The following GLRB variants were observed in gnomAD, a reference collection of about 807,000 sequenced individuals.
GLRB encodes the protein glycine receptor beta, also known as glycine receptor subunit beta.
A neutral mutation model predicts 54.2 loss-of-function variants in GLRB; 33 were observed. The observed-to-expected ratio is 0.61, with a 90% CI of 0.46 to 0.81. The LOEUF (loss-of-function observed/expected upper bound fraction) is 0.81, where lower values mean the gene tolerates loss of function less well. GLRB is among the 40% of genes least tolerant of loss of function. The probability of loss-of-function intolerance (pLI) is 0.00; values close to 1 mark genes in which losing one functional copy is unlikely to be tolerated. For synonymous variants in GLRB, 209 were observed against 208.2 expected, an observed-to-expected ratio of 1.00 and a Z score of -0.03; for missense variants, 572 against 584.6, an observed-to-expected ratio of 0.98 and a Z score of 0.22.
At chr4:157,164,897 C>A (rs1737652035) in intron 9 of GLRB, among the ~76,000 whole-genome samples, 1 of 151,898 alleles carries the variant, frequency 6.6e-6, no homozygotes, top group South Asian at 2.1e-4. Context: ...AAAATAATTA[C>A]CCAATAAATA....
chr4:157,089,040 A>G (rs929298819), intron 2 of GLRB, among the ~76,000 whole-genome samples: 1 of 152,356 alleles, frequency 6.6e-6, no homozygotes, highest in East Asian at 1.9e-4. Context: ...CAAATGAAAC[A>G]ATATGTACCA....
At chr4:157,126,924 T>C (rs1286996647) in intron 4 of GLRB, among the ~76,000 whole-genome samples, 1 of 151,908 alleles carries the variant, frequency 6.6e-6, no homozygotes, top group African/African-American at 2.4e-5. Context: ...GCATCCTTTG[T>C]AATTATATTG....
intron 2 of GLRB, among the ~76,000 whole-genome samples, chr4:157,120,165 T>C (rs1185420270): frequency 7.2e-6 from 1 of 138,572 alleles, no homozygotes; most frequent in Admixed American, 8.3e-5. Context: ...TTCTCATTCA[T>C]AGGTGGGAAT....
chr4:157,167,725 C>T (rs536374901), intron 9 of GLRB, among the ~76,000 whole-genome samples: 5 of 152,168 alleles, frequency 3.3e-5, no homozygotes, highest in Admixed American at 1.3e-4. Flanking sequence ...AAAGGAAATA[C>T]GTGAGGCTGT....
chr4:157,116,167 G>A (rs535449539), intron 2 of GLRB, among the ~76,000 whole-genome samples: 2 of 151,214 alleles, frequency 1.3e-5, no homozygotes, highest in Admixed American at 6.6e-5. Context: ...TATACAGTCT[G>A]ACACATTCCT....
At chr4:157,146,654 AC>A (rs1174152163) in intron 8 of GLRB, among the ~76,000 whole-genome samples, 1 of 151,982 alleles carries the variant, frequency 6.6e-6, no homozygotes, top group African/African-American at 2.4e-5. Flanking sequence ...CCCCGTCTCT[AC>A]CAAAAATGCA....
At chr4:157,150,867 A>G (rs1428175016) in intron 8 of GLRB, among the ~76,000 whole-genome samples, 2 of 151,772 alleles carry the variant, frequency 1.3e-5, no homozygotes, top group Non-Finnish European at 2.9e-5. Context: ...ATTTCCTTAT[A>G]CTTTGTTTCC....
intron 8 of GLRB, among the ~76,000 whole-genome samples, chr4:157,150,338 C>T (rs1437671177): frequency 6.6e-6 from 1 of 152,016 alleles, no homozygotes; most frequent in African/African-American, 2.4e-5. Context: ...TTAACTTCTT[C>T]AACTTTCCTT....
At chr4:157,081,867 G>T (rs1734233408) in intron 2 of GLRB, among the ~76,000 whole-genome samples, 1 of 152,116 alleles carries the variant, frequency 6.6e-6, no homozygotes, top group South Asian at 2.1e-4. Context: ...TCTGGATAAG[G>T]TGGAAATTTC....
intron 2 of GLRB, among the ~76,000 whole-genome samples, chr4:157,094,530 A>G (rs2126461763): frequency 6.6e-6 from 1 of 152,338 alleles, no homozygotes; most frequent in African/African-American, 2.4e-5. Flanking sequence ...AATAACTTTT[A>G]GGCATTATTA....
At chr4:157,121,175 A>C (rs1579215554) in intron 3 of GLRB, among the ~76,000 whole-genome samples, 1 of 151,826 alleles carries the variant, frequency 6.6e-6, no homozygotes. Context: ...TATGATTTTT[A>C]AAAGCATGTT....
intron 9 of GLRB, among the ~76,000 whole-genome samples, chr4:157,161,491 G>C (rs995023767): frequency 6.6e-6 from 1 of 152,078 alleles, no homozygotes; most frequent in South Asian, 2.1e-4. Flanking sequence ...TCCATGTTTA[G>C]TGCTTCCTTC....
At chr4:157,106,749 T>A (rs893640532) in intron 2 of GLRB, among the ~76,000 whole-genome samples, 2 of 152,080 alleles carry the variant, frequency 1.3e-5, no homozygotes, top group African/African-American at 4.8e-5. Flanking sequence ...GTTCTGAGAC[T>A]TTTGGACTTG....
At chr4:157,122,811 G>T (rs1735881854) in intron 4 of GLRB, among the ~76,000 whole-genome samples, 3 of 151,598 alleles carry the variant, frequency 2.0e-5, no homozygotes, top group Admixed American at 1.3e-4. Context: ...TACCTGTTAT[G>T]TTCATTTTGT....
At chr4:157,155,998 G>A (rs1241805888) in intron 9 of GLRB, among the ~76,000 whole-genome samples, 2 of 152,108 alleles carry the variant, frequency 1.3e-5, no homozygotes, top group Admixed American at 1.3e-4. Context: ...CAGATACCAA[G>A]GTCTGCTAAT....
At chr4:157,125,698 C>T (rs1476064286) in intron 4 of GLRB, among the ~76,000 whole-genome samples, 1 of 151,742 alleles carries the variant, frequency 6.6e-6, no homozygotes, top group Non-Finnish European at 1.5e-5. Flanking sequence ...ACTTGGGAAG[C>T]TGAGGCAGGT....
At chr4:157,152,564 A>G (rs1196702444) in intron 8 of GLRB, among the ~76,000 whole-genome samples, 154 bp from the exon 9 acceptor site, 1 of 152,166 alleles carries the variant, frequency 6.6e-6, no homozygotes, top group Non-Finnish European at 1.5e-5. Flanking sequence ...GCATGTACCT[A>G]TTATTTATTC....
At chr4:157,101,090 A>G (rs1202514244) in intron 2 of GLRB, among the ~76,000 whole-genome samples, 1 of 152,154 alleles carries the variant, frequency 6.6e-6, no homozygotes, top group African/African-American at 2.4e-5. Context: ...GGGACAAATA[A>G]TTTCAACACT....
chr4:157,120,248 G>C (rs1735759497), intron 2 of GLRB, among the ~76,000 whole-genome samples: 2 of 102,810 alleles, frequency 1.9e-5, no homozygotes, highest in African/African-American at 3.7e-5. Flanking sequence ...TGGGGGGAGG[G>C]GGGTGGGATA....
Sources: gnomAD v4.1 joint callset for allele counts (sites outside exome capture counted in the v4.1 genomes callset) on GRCh38, gnomAD v4.1.1 for gene constraint, MANE v1.5 for transcripts, NCBI Gene and HGNC (gene_info 2026-07-23, HGNC 2026-07-21) for gene names.